Variants in TTLL9 observed in about 807,000 individuals in gnomAD.
The protein encoded by TTLL9 is tubulin tyrosine ligase like 9.
In TTLL9, 47 loss-of-function variants were observed where a neutral mutation model predicts 65.6. That is an observed-to-expected ratio of 0.72 (90% confidence interval 0.57 to 0.91). The LOEUF (loss-of-function observed/expected upper bound fraction) is 0.91. Ranked by LOEUF, TTLL9 falls within the 40% of genes least tolerant of loss-of-function variation. TTLL9 has a pLI of 0.00. For synonymous variants in TTLL9, 179 were observed against 204.8 expected (o/e 0.87, Z 1.07); for missense variants, 537 against 568.8 (o/e 0.94, Z 0.57).
intron 4 of TTLL9, 30 bp downstream of exon 4, chr20:31,898,595 C>T (rs1309278570): frequency 2.5e-6 from 4 of 1,597,632 alleles, no homozygotes; most frequent in South Asian, 2.2e-5. Flanking sequence ...CTTGTCCCTC[C>T]TTCCCTTTGT....
chr20:31,887,966 ACT>A (rs1351998743), intron 3 of TTLL9, among the ~76,000 whole-genome samples: 1 of 146,542 alleles, frequency 6.8e-6, no homozygotes, highest in African/African-American at 2.5e-5. Flanking sequence ...CTGATGGCAA[ACT>A]CTGCCTCTCG....
rs934835103 is a variant in TTLL9 at position 31,942,982 on chromosome 20, C to G, written c.1281C>G (p.Leu427=). 40 of 1,614,030 alleles carry G rather than the reference C, an allele frequency of 2.5e-5. No individual in the cohort carries two copies. Among genetic ancestry groups the G allele is most frequent in the Non-Finnish European group, 3.4e-5 (40 of 1,180,042 alleles). Residue 427 remains leucine, a synonymous_variant, in exon 15 of 15, where the codon CTC becomes CTG. Transcript: ENST00000535842. ...VNDRKKQLRQ[L]FCSLQVQKKA... ...ATCGGAAGAAACAACTGAGGCAGCT[C>G]TTCTGCTCCCTTCAAGTTCAGAAGA... is the stretch of plus-strand genomic sequence containing the variant.
intron 3 of TTLL9, among the ~76,000 whole-genome samples, chr20:31,891,488 C>T (rs1207934578): frequency 2.7e-5 from 4 of 150,680 alleles, no homozygotes; most frequent in Non-Finnish European, 5.9e-5. Context: ...GCTAAACCTC[C>T]TTATTTTATC....
chr20:31,875,845 C>T (rs2063031754), intron 2 of TTLL9, among the ~76,000 whole-genome samples: 2 of 152,156 alleles, frequency 1.3e-5, no homozygotes, highest in South Asian at 4.1e-4. Flanking sequence ...CCACTTCCTT[C>T]ACTCTCTCCC....
chr20:31,873,592 G>C lies in TTLL9; in HGVS notation c.69+2397G>C, dbSNP rs185221256. On this transcript the variant is annotated intron_variant, in intron 2 of 14. Coordinates refer to ENST00000535842, the MANE Select transcript of TTLL9 (RefSeq NM_001008409.5). Reference sequence around the variant, plus strand: ...AGGATTGCTTGAGGTTGAGGCTGCAGTGACCTGTGATCACATCACTGTACT... The same window carrying C: ...AGGATTGCTTGAGGTTGAGGCTGCACTGACCTGTGATCACATCACTGTACT... Among the ~76,000 whole-genome samples, 757 of 151,340 alleles carry C rather than the reference G, an allele frequency of 5.0e-3. 1 individual carries two copies. The highest frequency in any genetic ancestry group is 0.016 in the African/African-American group (658 of 41,136).
At chr20:31,942,867 A>C in intron 14 of TTLL9, 78 bp from the exon 15 acceptor site, 1 of 1,428,630 alleles carries the variant, frequency 7.0e-7, no homozygotes, top group Non-Finnish European at 9.8e-7. Flanking sequence ...CCCTCTTCCC[A>C]GCAGGGAGTT....
At chr20:31,892,526 G>A (rs2063321816) in intron 3 of TTLL9, among the ~76,000 whole-genome samples, 2 of 152,154 alleles carry the variant, frequency 1.3e-5, no homozygotes, top group Admixed American at 6.6e-5. Flanking sequence ...GAGATGAGTA[G>A]TAGTCGTTTT....
intron 2 of TTLL9, chr20:31,879,794 A>G: frequency 6.5e-7 from 1 of 1,544,682 alleles, no homozygotes; most frequent in Non-Finnish European, 8.7e-7. Context: ...CGGCGGATCC[A>G]GGCGCCTGTC....
In TTLL9 at chr20:31,870,983, C is replaced by T; in HGVS notation, c.-6+34C>T. 1 of 780,486 alleles carries T rather than the reference C, an allele frequency of 1.3e-6. No homozygotes were observed. The highest frequency in any genetic ancestry group is 2.4e-5 in the East Asian group (1 of 40,882). The allele number at this position is 780,486 out of a possible 1,614,324, so 48.3% of individuals were successfully genotyped here. A position where few individuals can be genotyped will look rare whatever the true frequency, so the allele number is the denominator to read the frequency against. ...TTCCTTCCGATACATCCTCTCCACC[C>T]GTGCAGAGACACCCTACCAACCAGC... On this transcript the variant is annotated intron_variant, in intron 1 of 14. Transcript: ENST00000535842. The surrounding 1 kb of genome is among the most constrained non-coding windows in gnomAD (Gnocchi z 6.6).
At chr20:31,889,972 CT>C (rs2063263519) in intron 3 of TTLL9, among the ~76,000 whole-genome samples, 2 of 113,862 alleles carry the variant, frequency 1.8e-5, no homozygotes, top group African/African-American at 3.3e-5. Flanking sequence ...CCACATCTCT[CT>C]CTTTCTTTCT....
At chr20:31,888,667 A>G (rs2063233352) in intron 3 of TTLL9, among the ~76,000 whole-genome samples, 1 of 152,056 alleles carries the variant, frequency 6.6e-6, no homozygotes, top group Admixed American at 6.6e-5. Flanking sequence ...TAAAGAAAAG[A>G]GGTGTAATTG....
chr20:31,879,748 C>A, intron 2 of TTLL9: 2 of 1,463,300 alleles, frequency 1.4e-6, no homozygotes, highest in Non-Finnish European at 1.8e-6. Flanking sequence ...CCTGCGCACT[C>A]CGCCGAGAGC....
At chr20:31,881,602 CTTTTTT>C (rs5841092) in intron 2 of TTLL9, among the ~76,000 whole-genome samples, 15 of 125,246 alleles carry the variant, frequency 1.2e-4, no homozygotes, top group Non-Finnish European at 2.1e-4. Flanking sequence ...ACACATATAA[CTTTTTT>C]TTTTTTTTTT....
intron 14 of TTLL9, among the ~76,000 whole-genome samples, chr20:31,942,144 A>T (rs568302362): frequency 1.3e-5 from 2 of 152,036 alleles, no homozygotes; most frequent in East Asian, 1.9e-4. Flanking sequence ...GTTTGGGGGG[A>T]TGTGGAAGAT....
intron 9 of TTLL9, 129 bp downstream of exon 9, chr20:31,925,178 C>A (rs1435877247): frequency 3.1e-6 from 3 of 957,632 alleles, no homozygotes; most frequent in East Asian, 5.1e-5. Context: ...TGGGAGATCC[C>A]CGAGGGACAT....
At chr20:31,931,368 C>T (rs180923291) in intron 10 of TTLL9, among the ~76,000 whole-genome samples, 21 of 152,108 alleles carry the variant, frequency 1.4e-4, no homozygotes, top group East Asian at 1.9e-4. Context: ...CTCGACTTCC[C>T]GGGCTCAAAT....
chr20:31,937,554 T>C (rs751818247), intron 13 of TTLL9, 45 bp downstream of exon 13: 4 of 1,500,486 alleles, frequency 2.7e-6, no homozygotes, highest in Non-Finnish European at 3.7e-6. Context: ...ACATGACAAC[T>C]GAGGCTCCCA....
chr20:31,888,524 T>C (rs1286711298), intron 3 of TTLL9, among the ~76,000 whole-genome samples: 3 of 152,042 alleles, frequency 2.0e-5, no homozygotes, highest in Non-Finnish European at 4.4e-5. Context: ...CAGGCTGGAG[T>C]GCAATGGCCT....
At chr20:31,873,109 C>A in intron 2 of TTLL9, 3 of 468,182 alleles carry the variant, frequency 6.4e-6, no homozygotes, top group South Asian at 4.6e-5. Flanking sequence ...ATGGACTCAG[C>A]ATATATGAAT....
Sources: allele counts gnomAD v4.1 joint callset (sites outside exome capture counted in the v4.1 genomes callset), GRCh38; gene constraint gnomAD v4.1.1; non-coding constraint Gnocchi (gnomAD v3.1); transcripts MANE v1.5; gene names NCBI Gene and HGNC (gene_info 2026-07-23, HGNC 2026-07-21).